GPC6: variants seen among roughly 807,000 people sequenced by gnomAD.
GPC6 encodes the protein glypican 6.
GPC6 carries 14 observed loss-of-function variants against 55.2 expected under a neutral mutation model. The ratio of observed to expected loss-of-function variants is 0.25; its 90% confidence interval spans 0.17 to 0.40. GPC6 has a LOEUF of 0.40. Ranked by LOEUF, GPC6 falls within the 10% of genes least tolerant of loss-of-function variation. The pLI is 1.00. For synonymous variants in GPC6, 278 were observed against 259.6 expected (o/e 1.07, Z -0.68); for missense variants, 641 against 708.5 (o/e 0.90, Z 1.08).
chr13:93,246,594 G>C (rs2139022334), intron 1 of GPC6, among the ~76,000 whole-genome samples: 1 of 151,796 alleles, frequency 6.6e-6, no homozygotes, highest in Non-Finnish European at 1.5e-5. Flanking sequence ...CACTATGATT[G>C]AGACCATCCT....
At chr13:93,730,832 C>T (rs1055996990) in intron 2 of GPC6, among the ~76,000 whole-genome samples, 5 of 152,100 alleles carry the variant, frequency 3.3e-5, no homozygotes, top group Non-Finnish European at 5.9e-5. Flanking sequence ...TTTTTAACTG[C>T]GGCCTTTCTT....
At chr13:93,692,685 C>T (rs1882301742) in intron 2 of GPC6, among the ~76,000 whole-genome samples, 1 of 151,872 alleles carries the variant, frequency 6.6e-6, no homozygotes, top group Non-Finnish European at 1.5e-5. Context: ...TGAGGAAAGC[C>T]TTTTCTTCAC....
intron 3 of GPC6, among the ~76,000 whole-genome samples, chr13:94,015,403 G>A (rs539951348): frequency 1.8e-4 from 28 of 152,124 alleles, no homozygotes; most frequent in African/African-American, 6.0e-4. Context: ...GTGGAGTTGT[G>A]TATATGCTGG....
chr13:94,211,508 T>C (rs1890079076), intron 4 of GPC6, among the ~76,000 whole-genome samples: 1 of 152,216 alleles, frequency 6.6e-6, no homozygotes, highest in Non-Finnish European at 1.5e-5. Flanking sequence ...ATTTAAGGTA[T>C]ATATTTACAT....
At chr13:94,017,328 T>C (rs1365411391) in intron 3 of GPC6, among the ~76,000 whole-genome samples, 1 of 152,136 alleles carries the variant, frequency 6.6e-6, no homozygotes, top group Non-Finnish European at 1.5e-5. Context: ...GAAGTATGAC[T>C]GGGTAATTTA....
At chr13:93,711,173 G>A (rs1014342502) in intron 2 of GPC6, among the ~76,000 whole-genome samples, 1 of 151,740 alleles carries the variant, frequency 6.6e-6, no homozygotes, top group Non-Finnish European at 1.5e-5. Context: ...AAGAAGAGAT[G>A]ACATTAAAAC....
At chr13:93,688,686 A>G (rs1882144312) in intron 2 of GPC6, among the ~76,000 whole-genome samples, 2 of 152,080 alleles carry the variant, frequency 1.3e-5, no homozygotes, top group South Asian at 4.1e-4. Flanking sequence ...CAACAATTGC[A>G]TGATTTCACT....
chr13:94,398,301 C>A (rs527581573), intron 7 of GPC6, among the ~76,000 whole-genome samples, 165 bp from the exon 8 acceptor site: 1 of 150,066 alleles, frequency 6.7e-6, no homozygotes, highest in African/African-American at 2.5e-5. Context: ...AAAATGTATT[C>A]CATGTTTTCA....
intron 2 of GPC6, among the ~76,000 whole-genome samples, chr13:93,751,861 C>T (rs1297848979): frequency 6.6e-6 from 1 of 152,082 alleles, no homozygotes; most frequent in Admixed American, 6.6e-5. Context: ...CATTGGCCTA[C>T]CACTTTTCTT....
chr13:93,559,019 A>C (rs1460721047), intron 2 of GPC6, among the ~76,000 whole-genome samples: 3 of 152,218 alleles, frequency 2.0e-5, no homozygotes. Context: ...CATGCAACAA[A>C]CATTCAGCAG....
chr13:93,677,135 GT>G (rs1881665532), intron 2 of GPC6, among the ~76,000 whole-genome samples: 1 of 152,122 alleles, frequency 6.6e-6, no homozygotes, highest in African/African-American at 2.4e-5. Context: ...ATGATAAAGT[GT>G]TAGATTGAAG....
At chr13:93,902,186 G>A (rs939679034) in intron 3 of GPC6, among the ~76,000 whole-genome samples, 18 of 151,964 alleles carry the variant, frequency 1.2e-4, no homozygotes, top group Admixed American at 5.9e-4. Context: ...CTGTAACTTT[G>A]CACCCATTGA....
chr13:94,384,415 T>C (rs1007645826), intron 7 of GPC6, among the ~76,000 whole-genome samples: 1 of 152,244 alleles, frequency 6.6e-6, no homozygotes, highest in South Asian at 2.1e-4. Flanking sequence ...TTTTTTGAGC[T>C]TCTCTGTTTC....
At chr13:93,787,012 A>C (rs1020598444) in intron 2 of GPC6, among the ~76,000 whole-genome samples, 1 of 152,196 alleles carries the variant, frequency 6.6e-6, no homozygotes, top group African/African-American at 2.4e-5. Flanking sequence ...GGATGTACTG[A>C]AAGGTACTTT....
intron 6 of GPC6, among the ~76,000 whole-genome samples, chr13:94,346,670 G>A (rs780860988): frequency 6.7e-6 from 1 of 149,340 alleles, no homozygotes; most frequent in Non-Finnish European, 1.5e-5. Context: ...GCAGTGAGCC[G>A]AGATCATGCT....
At chr13:93,647,808 C>A (rs907363043) in intron 2 of GPC6, among the ~76,000 whole-genome samples, 2 of 152,184 alleles carry the variant, frequency 1.3e-5, no homozygotes, top group Non-Finnish European at 2.9e-5. Context: ...ACTCCCAGGA[C>A]CCATAGCCTG....
chr13:94,008,526 C>T (rs188891094), intron 3 of GPC6, among the ~76,000 whole-genome samples: 161 of 152,226 alleles, frequency 1.1e-3, no homozygotes, highest in Admixed American at 4.1e-3. Context: ...TTGGCACACA[C>T]CTGTAGTTCC....
At chr13:93,810,749 A>T (rs1249832377) in intron 2 of GPC6, among the ~76,000 whole-genome samples, 5 of 152,216 alleles carry the variant, frequency 3.3e-5, no homozygotes, top group Admixed American at 6.5e-5. Context: ...CTTGGGGAAA[A>T]CATTAGCTGA....
At chr13:93,445,093 A>G (rs764530286) in intron 1 of GPC6, among the ~76,000 whole-genome samples, 5 of 152,218 alleles carry the variant, frequency 3.3e-5, no homozygotes, top group African/African-American at 7.2e-5. Flanking sequence ...CATTTCTGCT[A>G]TAGTCCTAAA....
Sources: allele counts gnomAD v4.1 joint callset (sites outside exome capture counted in the v4.1 genomes callset), GRCh38; gene constraint gnomAD v4.1.1; transcripts MANE v1.5; gene names NCBI Gene and HGNC (gene_info 2026-07-23, HGNC 2026-07-21).